Variants in EPS15L1 observed in about 807,000 individuals in gnomAD.
EPS15L1 encodes epidermal growth factor receptor pathway substrate 15 like 1, also known as epidermal growth factor receptor substrate 15-like 1.
In EPS15L1, 43 loss-of-function variants were observed where a neutral mutation model predicts 117.1. The observed-to-expected ratio is 0.37, with a 90% CI of 0.29 to 0.47. The LOEUF is 0.47. EPS15L1 is among the 20% of genes least tolerant of loss of function. EPS15L1 has a pLI of 0.99. For missense variants in EPS15L1, 981 were observed against 1,164.0 expected, an observed-to-expected ratio of 0.84 and a Z score of 2.29; for synonymous variants, 459 against 470.5, an observed-to-expected ratio of 0.98 and a Z score of 0.32.
chr19:16,426,193 C>T (rs1372825145), intron 8 of EPS15L1, among the ~76,000 whole-genome samples: 7 of 152,208 alleles, frequency 4.6e-5, no homozygotes, highest in African/African-American at 1.4e-4. Context: ...ACATCACGTT[C>T]CCCCAGGTGG....
In EPS15L1 at chr19:16,383,557, T is replaced by C. The variant is rs936288308; in HGVS notation, c.2247+1572A>G. 1 of 152,170 alleles carries C rather than the reference T, an allele frequency of 6.6e-6. No homozygotes were observed. The highest frequency in any genetic ancestry group is 2.4e-5 in the African/African-American group (1 of 41,402). 9.4% of individuals were successfully genotyped at this position (152,170 alleles called of 1,614,324 possible). A position where few individuals can be genotyped will look rare whatever the true frequency, so the allele number is the denominator to read the frequency against. ...TCCCAAACCGTGTCACAGCGTGGCA[T>C]ATGAGGGATGGAGGCCTTCTCCGTG... On this transcript the variant is annotated intron_variant, in intron 21 of 23. Coordinates refer to ENST00000455140, the MANE Select transcript of EPS15L1 (RefSeq NM_001258374.3). The surrounding 1 kb of genome is among the most constrained non-coding windows in gnomAD (Gnocchi z 5.2).
intron 4 of EPS15L1, among the ~76,000 whole-genome samples, chr19:16,439,740 C>A (rs975141946): frequency 2.0e-5 from 3 of 151,518 alleles, no homozygotes; most frequent in Non-Finnish European, 4.4e-5. Context: ...CACCATGAAC[C>A]TCAAAGAAGG....
rs1260313039 is a variant in EPS15L1, at chr19:16,406,688, A to G, written c.1267-1939T>C. Among the ~76,000 whole-genome samples, 5 of 152,204 alleles carry G rather than the reference A, an allele frequency of 3.3e-5. 1 individual carries two copies. The East Asian group carries it at 9.6e-4, about 29-fold the overall frequency. On this transcript the variant is annotated intron_variant, in intron 13 of 23. Coordinates refer to ENST00000455140, the MANE Select transcript of EPS15L1 (RefSeq NM_001258374.3). ...TCCAACACCTTTGGCCTGCCCAGAG[A>G]AGTTCCCTCCTTTACCTCCTCCTCA...
intron 12 of EPS15L1, among the ~76,000 whole-genome samples, chr19:16,416,376 C>T (rs1385981012): frequency 1.3e-5 from 2 of 152,226 alleles, no homozygotes; most frequent in African/African-American, 2.4e-5. Flanking sequence ...TGGCTCACGC[C>T]TGTAATCCCA....
chr19:16,419,789 C>T (rs1464951033), intron 10 of EPS15L1, among the ~76,000 whole-genome samples: 1 of 152,252 alleles, frequency 6.6e-6, no homozygotes, highest in African/African-American at 2.4e-5. Flanking sequence ...CTGACGATTT[C>T]ATACTGCCAC....
intron 21 of EPS15L1, among the ~76,000 whole-genome samples, chr19:16,379,672 C>T (rs1471626447): frequency 6.6e-6 from 1 of 152,164 alleles, no homozygotes; most frequent in Non-Finnish European, 1.5e-5. Flanking sequence ...ACAGACAAGG[C>T]CATCTAAGGC....
chr19:16,460,935 G>A (rs1326185433), intron 1 of EPS15L1, among the ~76,000 whole-genome samples: 1 of 152,150 alleles, frequency 6.6e-6, no homozygotes, highest in Non-Finnish European at 1.5e-5. Context: ...TTTCCCCTTT[G>A]GAGAGTGTGA....
intron 3 of EPS15L1, 64 bp from the exon 4 acceptor site, chr19:16,440,973 C>A (rs1410368501): frequency 6.6e-7 from 1 of 1,512,900 alleles, no homozygotes. Context: ...TTAACAAAAA[C>A]CAGAGCCGCC....
At chr19:16,461,066 G>A (rs2145177749) in intron 1 of EPS15L1, among the ~76,000 whole-genome samples, 1 of 152,322 alleles carries the variant, frequency 6.6e-6, no homozygotes, top group South Asian at 2.1e-4. Flanking sequence ...AGCACTTTGG[G>A]AGGCCGAGGC....
chr19:16,469,986 C>T (rs1358061213), intron 1 of EPS15L1, among the ~76,000 whole-genome samples: 1 of 151,486 alleles, frequency 6.6e-6, no homozygotes, highest in African/African-American at 2.4e-5. Flanking sequence ...GATTTTCACT[C>T]GAGAGCAAGT....
intron 19 of EPS15L1, among the ~76,000 whole-genome samples, chr19:16,391,622 C>CT (rs57277477): frequency 0.2 from 25,958 of 131,544 alleles, 2,522 homozygotes; most frequent in African/African-American, 0.28. Flanking sequence ...ACCGAGGCTG[C>CT]TTTTTTTTTT....
At position 16,405,385 on chromosome 19, in the gene EPS15L1, T is replaced by C. The variant is rs577755455; in HGVS notation, c.1267-636A>G. ...GTGGTGGGGAGCCCGGTGGGATGTG[T>C]GAGTGTGGGAGGCGGGACATCATGA... is the stretch of plus-strand genomic sequence containing the variant. On this transcript the variant is annotated intron_variant, in intron 13 of 23. Transcript: ENST00000455140. This position sits in a 1 kb window ranked among gnomAD's most constrained non-coding sequence, Gnocchi z 4.0. Among the ~76,000 whole-genome samples, 366 of 152,174 alleles carry C rather than the reference T, an allele frequency of 2.4e-3. 6 individuals carry two copies. Among genetic ancestry groups the C allele is most frequent in the Non-Finnish European group, 4.9e-4 (33 of 67,982 alleles).
chr19:16,460,337 A>T (rs189185025), intron 1 of EPS15L1, among the ~76,000 whole-genome samples: 41 of 152,106 alleles, frequency 2.7e-4, no homozygotes, highest in African/African-American at 8.7e-4. Flanking sequence ...TCATTTTCTT[A>T]AAAAAAATAC....
intron 4 of EPS15L1, 108 bp from the exon 5 acceptor site, chr19:16,437,973 T>C (rs978832689): frequency 1.1e-5 from 9 of 817,936 alleles, no homozygotes; most frequent in Non-Finnish European, 1.8e-5. Context: ...ACTTCAACAA[T>C]GAAGGCCGTC....
At chr19:16,429,884 G>A (rs895725765) in intron 7 of EPS15L1, among the ~76,000 whole-genome samples, 29 of 152,234 alleles carry the variant, frequency 1.9e-4, no homozygotes, top group African/African-American at 6.8e-4. Context: ...GCCTGTTAGG[G>A]CTGGATCATG....
Position 16,355,375 on chromosome 19 carries a change from A to G in EPS15L1, c.*330T>C. The G allele has an allele frequency of 6.9e-6, 2 of 288,312 alleles. No homozygotes were observed. Among genetic ancestry groups the G allele is most frequent in the Admixed American group, 4.9e-5 (1 of 20,384 alleles). The allele number at this position is 288,312 out of a possible 1,614,324, so 17.9% of individuals were successfully genotyped here. A position where few individuals can be genotyped will look rare whatever the true frequency, so the allele number is the denominator to read the frequency against. On this transcript the variant is annotated 3_prime_UTR_variant, in exon 24 of 24. Transcript: ENST00000455140. ...GGGATGTCTGCAGCTATGAGTAGGG[A>G]GGAGGCGGGGAAGCCCTGGGTGCTT...
chr19:16,454,538 A>G (rs575697383), intron 1 of EPS15L1, among the ~76,000 whole-genome samples: 3 of 152,280 alleles, frequency 2.0e-5, no homozygotes, highest in African/African-American at 7.2e-5. Context: ...ATCTGAAGGA[A>G]TTTTCATGGA....
rs552015027 is a variant in EPS15L1 at position 16,433,406 on chromosome 19, A to G, written c.498+959T>C. Among the ~76,000 whole-genome samples, 6 of 152,152 alleles carry G rather than the reference A, an allele frequency of 3.9e-5. No homozygotes were observed. The South Asian group carries it at 1.2e-3, about 32-fold the overall frequency. On this transcript the variant is annotated intron_variant, in intron 7 of 23. Transcript: ENST00000455140. ...CTCGGCCTCCCAAAGTGCTGGGATT[A>G]CGGGCGTGAGCCACCGCACCAGGCT...
rs547168712 is a variant in EPS15L1, at chr19:16,371,660, G to A, written c.2380+5462C>T. On this transcript the variant is annotated intron_variant, in intron 22 of 23. Coordinates refer to ENST00000455140, the MANE Select transcript of EPS15L1 (RefSeq NM_001258374.3). The surrounding 1 kb of genome is among the most constrained non-coding windows in gnomAD (Gnocchi z 4.7). ...CAGGCAGGAACCGCAACGCAGGGCC[G>A]CGCTGGCAGGAAGTGGCAAGGGTGG... Among the ~76,000 whole-genome samples, 10 of 152,334 alleles carry A rather than the reference G, an allele frequency of 6.6e-5. No individual in the cohort carries two copies. Among genetic ancestry groups the A allele is most frequent in the South Asian group, 6.2e-4 (3 of 4,830 alleles).
Sources: allele counts gnomAD v4.1 joint callset (sites outside exome capture counted in the v4.1 genomes callset), GRCh38; gene constraint gnomAD v4.1.1; non-coding constraint Gnocchi (gnomAD v3.1); transcripts MANE v1.5; gene names NCBI Gene and HGNC (gene_info 2026-07-23, HGNC 2026-07-21).